The following THADA variants were observed in gnomAD, a reference collection of about 807,000 sequenced individuals.
The protein encoded by THADA is tRNA (32-2'-O)-methyltransferase regulator THADA.
In THADA, 213 loss-of-function variants were observed where a neutral mutation model predicts 219.8. The observed-to-expected ratio is 0.97, with a 90% CI of 0.87 to 1.09. THADA has a LOEUF of 1.09. Among genes scored for constraint, THADA ranks in the 50% least tolerant of loss-of-function variants. The pLI, the probability that THADA is intolerant of heterozygous loss-of-function variation, is 0.00. For synonymous variants in THADA, 1,018 were observed against 828.9 expected (o/e 1.23, Z -3.92); for missense variants, 2,956 against 2,311.3 (o/e 1.28, Z -5.72).
chr2:43,302,601 A>G (rs1326103605), intron 31 of THADA, among the ~76,000 whole-genome samples: 1 of 152,164 alleles, frequency 6.6e-6, no homozygotes, highest in East Asian at 1.9e-4. Context: ...AAATGTCACA[A>G]TGTGGCAGAC....
At chr2:43,416,170 A>G (rs1314784697) in intron 28 of THADA, among the ~76,000 whole-genome samples, 2 of 152,240 alleles carry the variant, frequency 1.3e-5, no homozygotes, top group Admixed American at 6.5e-5. Flanking sequence ...ATGAATAAAC[A>G]TTCAGGCAAG....
At position 43,432,896 on chromosome 2, in the gene THADA, A is replaced by G. The variant is rs1679555160; in HGVS notation, c.3837-2594T>C. On this transcript the variant is annotated intron_variant, in intron 26 of 37. Coordinates refer to ENST00000405975, the MANE Select transcript of THADA (RefSeq NM_022065.5). ...TTCCTTGGTCATATATATGCATGGC[A>G]TATACCTTCTTCTAGTCTGTGGCTT... 2.0e-5 allele frequency among the ~76,000 whole-genome samples: 3 copies of G among 152,206 alleles called. No homozygotes were observed. In the South Asian group the frequency reaches 6.2e-4, roughly 32 times the overall value.
At chr2:43,272,641 T>C (rs1672264135) in intron 36 of THADA, among the ~76,000 whole-genome samples, 1 of 150,596 alleles carries the variant, frequency 6.6e-6, no homozygotes, top group Non-Finnish European at 1.5e-5. Context: ...TTTTTTTTTT[T>C]TGAGACAAGG....
intron 26 of THADA, among the ~76,000 whole-genome samples, chr2:43,448,822 C>T (rs115796743): frequency 0.013 from 1,919 of 152,136 alleles, 24 homozygotes; most frequent in Admixed American, 0.018. Flanking sequence ...AATCAGCAAA[C>T]CCTGAGAAAG....
intron 26 of THADA, among the ~76,000 whole-genome samples, chr2:43,470,259 T>C (rs1246363594): frequency 6.8e-6 from 1 of 148,124 alleles, no homozygotes; most frequent in African/African-American, 2.5e-5. Context: ...TCTGACAATA[T>C]GTAAATAGAG....
intron 29 of THADA, among the ~76,000 whole-genome samples, chr2:43,379,422 G>C (rs1158522035): frequency 6.6e-6 from 1 of 152,096 alleles, no homozygotes; most frequent in African/African-American, 2.4e-5. Flanking sequence ...AATGACATCA[G>C]GAATCATAAT....
chr2:43,472,552 G>C (rs532419854), intron 26 of THADA, among the ~76,000 whole-genome samples: 3 of 152,146 alleles, frequency 2.0e-5, no homozygotes, highest in Non-Finnish European at 4.4e-5. Context: ...ATGATGACCT[G>C]GTGCTAGGTT....
rs756828967 is a variant in THADA at position 43,508,819 on chromosome 2, T to C, written c.3375-39A>G. ...ATAATCAAATATTCGGAATTAGGTATCAAAGTTAAAAGTACAAACTATTGA... is the reference window on the plus strand; with the variant it reads ...ATAATCAAATATTCGGAATTAGGTACCAAAGTTAAAAGTACAAACTATTGA... On this transcript the variant is annotated intron_variant, in intron 22 of 37. Transcript: ENST00000405975. The C allele has an allele frequency of 3.1e-6, 5 of 1,604,748 alleles. No individual in the cohort carries two copies. The African/African-American group carries it at 4.0e-5, about 13-fold the overall frequency.
intron 22 of THADA, among the ~76,000 whole-genome samples, chr2:43,517,152 T>C (rs552770728): frequency 6.6e-6 from 1 of 152,234 alleles, no homozygotes; most frequent in Admixed American, 6.5e-5. Context: ...GTAGATAACC[T>C]TTTTGTGACT....
chr2:43,525,617 C>T lies in THADA; in HGVS notation c.3374+2262G>A, dbSNP rs149056032. Among the ~76,000 whole-genome samples, 549 of 152,292 alleles carry T rather than the reference C, an allele frequency of 3.6e-3. 3 individuals are homozygous for T. Among genetic ancestry groups the T allele is most frequent in the Middle Eastern group, 6.8e-3 (2 of 294 alleles). On this transcript the variant is annotated intron_variant, in intron 22 of 37. Coordinates refer to ENST00000405975, the MANE Select transcript of THADA (RefSeq NM_022065.5). ...TAGTCCCACCAAGGTGCCATAAATG[C>T]GAGTGAAGTTGTCTTAGGTCCCTTG...
At chr2:43,405,227 T>C (rs1675388450) in intron 28 of THADA, among the ~76,000 whole-genome samples, 1 of 152,228 alleles carries the variant, frequency 6.6e-6, no homozygotes, top group Non-Finnish European at 1.5e-5. Flanking sequence ...CTAAGATTTC[T>C]TTTTCCTTTT....
At chr2:43,257,175 G>A (rs1670403962) in intron 36 of THADA, among the ~76,000 whole-genome samples, 1 of 152,204 alleles carries the variant, frequency 6.6e-6, no homozygotes, top group Admixed American at 6.5e-5. Flanking sequence ...GTCCTTGAAG[G>A]TAGCAACTAG....
intron 8 of THADA, among the ~76,000 whole-genome samples, chr2:43,581,202 C>G (rs1700402686): frequency 6.6e-6 from 1 of 152,006 alleles, no homozygotes. Context: ...AAAGTGATCA[C>G]CCTTGAACCT....
chr2:43,452,824 A>G (rs904127394), intron 26 of THADA, among the ~76,000 whole-genome samples: 1 of 152,232 alleles, frequency 6.6e-6, no homozygotes, highest in Non-Finnish European at 1.5e-5. Flanking sequence ...ACTGGACCAC[A>G]GATAATTCCA....
At chr2:43,413,031 C>T (rs1676487287) in intron 28 of THADA, among the ~76,000 whole-genome samples, 1 of 152,098 alleles carries the variant, frequency 6.6e-6, no homozygotes, top group African/African-American at 2.4e-5. Context: ...ATCTTTTGGT[C>T]AGAGTTCTGA....
At chr2:43,529,156 T>TAAA (rs397741585) in intron 21 of THADA, among the ~76,000 whole-genome samples, 3 of 144,382 alleles carry the variant, frequency 2.1e-5, no homozygotes, top group African/African-American at 7.6e-5. Flanking sequence ...TGACTTTTTT[T>TAAA]AAAAAAAAAA....
chr2:43,546,835 C>G (rs919673423), intron 20 of THADA, among the ~76,000 whole-genome samples: 2 of 152,150 alleles, frequency 1.3e-5, no homozygotes, highest in African/African-American at 2.4e-5. Flanking sequence ...AATTTGCCAG[C>G]CTGTGTCTTT....
At chr2:43,557,749 G>A (rs1433426800) in intron 16 of THADA, among the ~76,000 whole-genome samples, 1 of 152,150 alleles carries the variant, frequency 6.6e-6, no homozygotes. Context: ...ATAATATTCT[G>A]ATTCTACTAG....
At chr2:43,391,519 T>C (rs1267325611) in intron 29 of THADA, among the ~76,000 whole-genome samples, 1 of 152,240 alleles carries the variant, frequency 6.6e-6, no homozygotes, top group African/African-American at 2.4e-5. Context: ...AGCATTTTAA[T>C]TAAAAATGAC....
Sources: gnomAD v4.1 joint callset for allele counts (sites outside exome capture counted in the v4.1 genomes callset) on GRCh38, gnomAD v4.1.1 for gene constraint, MANE v1.5 for transcripts, NCBI Gene and HGNC (gene_info 2026-07-23, HGNC 2026-07-21) for gene names.